SCFD2: variants seen among roughly 807,000 people sequenced by gnomAD.
The protein encoded by SCFD2 is sec1 family domain-containing protein 2.
A neutral mutation model predicts 58.9 loss-of-function variants in SCFD2; 54 were observed. That is an observed-to-expected ratio of 0.92 (90% CI 0.74 to 1.15). SCFD2 has a LOEUF of 1.15. Ranked by LOEUF, SCFD2 falls within the 50% of genes most tolerant of loss-of-function variation. The pLI, the probability that SCFD2 is intolerant of heterozygous loss-of-function variation, is 0.00. For missense variants in SCFD2, 805 were observed against 836.6 expected, an observed-to-expected ratio of 0.96 and a Z score of 0.47; for synonymous variants, 321 against 335.9, an observed-to-expected ratio of 0.96 and a Z score of 0.49.
chr4:53,253,289 T>A (rs1730468344), intron 4 of SCFD2, among the ~76,000 whole-genome samples: 1 of 152,170 alleles, frequency 6.6e-6, no homozygotes, highest in African/African-American at 2.4e-5. Flanking sequence ...ACACTGTTGG[T>A]GGGATTGTAA....
chr4:52,898,274 T>C (rs1202724654), intron 7 of SCFD2, among the ~76,000 whole-genome samples: 1 of 152,254 alleles, frequency 6.6e-6, no homozygotes, highest in Non-Finnish European at 1.5e-5. Flanking sequence ...TTTCCTGCTA[T>C]CTCTTGTGGG....
At chr4:52,998,747 G>A (rs930464408) in intron 5 of SCFD2, among the ~76,000 whole-genome samples, 1 of 151,992 alleles carries the variant, frequency 6.6e-6, no homozygotes, top group African/African-American at 2.4e-5. Context: ...CTGCAAAAAT[G>A]AAAAACAAGA....
At chr4:53,256,813 C>T (rs1730653142) in intron 4 of SCFD2, among the ~76,000 whole-genome samples, 1 of 149,796 alleles carries the variant, frequency 6.7e-6, no homozygotes, top group Non-Finnish European at 1.5e-5. Flanking sequence ...GAGATGGCAG[C>T]AGTACAGTCC....
chr4:53,049,970 T>C (rs571782489), intron 5 of SCFD2, among the ~76,000 whole-genome samples: 80 of 152,138 alleles, frequency 5.3e-4, no homozygotes, highest in Non-Finnish European at 1.0e-3. Context: ...ATTCAGCAAA[T>C]GTTTATTTAC....
At chr4:53,201,330 C>A (rs1010223776) in intron 4 of SCFD2, among the ~76,000 whole-genome samples, 14 of 152,130 alleles carry the variant, frequency 9.2e-5, no homozygotes, top group Admixed American at 7.2e-4. Context: ...CAGCTTCATC[C>A]ATGTCCCTAC....
chr4:53,084,417 C>A (rs1021300120), intron 5 of SCFD2, among the ~76,000 whole-genome samples: 10 of 152,056 alleles, frequency 6.6e-5, no homozygotes, highest in African/African-American at 2.2e-4. Context: ...TTATTCTGTT[C>A]TTTTTCAGGG....
At chr4:53,116,635 C>T in intron 5 of SCFD2, among the ~76,000 whole-genome samples, 1 of 152,134 alleles carries the variant, frequency 6.6e-6, no homozygotes, top group East Asian at 1.9e-4. Flanking sequence ...AAGATGGAGT[C>T]CTGATAACAC....
chr4:53,362,960 G>A (rs1409516409), intron 1 of SCFD2, among the ~76,000 whole-genome samples: 1 of 152,088 alleles, frequency 6.6e-6, no homozygotes, highest in African/African-American at 2.4e-5. Flanking sequence ...ATTTGGTGAT[G>A]GGAAAATACA....
intron 5 of SCFD2, among the ~76,000 whole-genome samples, chr4:52,944,364 T>C (rs752464775): frequency 4.6e-5 from 7 of 152,214 alleles, no homozygotes; most frequent in Non-Finnish European, 8.8e-5. Context: ...AACAATCATG[T>C]CTTAGAAATG....
chr4:53,113,257 T>C (rs187774382), intron 5 of SCFD2, among the ~76,000 whole-genome samples: 4 of 152,208 alleles, frequency 2.6e-5, no homozygotes, highest in Non-Finnish European at 4.4e-5. Context: ...ACTGCACTTT[T>C]CCTAGCCCCT....
At chr4:53,258,577 T>TATATATATATATATATATATAC (rs757658747) in intron 4 of SCFD2, among the ~76,000 whole-genome samples, 35 of 121,242 alleles carry the variant, frequency 2.9e-4, no homozygotes, top group South Asian at 5.3e-4. Flanking sequence ...TATATATATA[T>TATATATATATATATATATATAC]ACACACACAT....
At chr4:53,042,454 G>A (rs763078858) in intron 5 of SCFD2, among the ~76,000 whole-genome samples, 21 of 151,994 alleles carry the variant, frequency 1.4e-4, no homozygotes, top group Middle Eastern at 3.2e-3. Context: ...ATTTAGCATG[G>A]TTCAACACAC....
chr4:53,353,959 C>T (rs1734319963), intron 1 of SCFD2, among the ~76,000 whole-genome samples: 2 of 152,258 alleles, frequency 1.3e-5, no homozygotes, highest in African/African-American at 2.4e-5. Context: ...ATTTACAATC[C>T]TCTAGCTAGA....
intron 7 of SCFD2, among the ~76,000 whole-genome samples, chr4:52,898,820 T>C (rs559973809): frequency 2.0e-5 from 3 of 152,328 alleles, no homozygotes; most frequent in Admixed American, 6.5e-5. Context: ...GGACTTGCTT[T>C]ATGAATCTGG....
chr4:53,054,740 A>T (rs1433658372), intron 5 of SCFD2, among the ~76,000 whole-genome samples: 3 of 151,708 alleles, frequency 2.0e-5, no homozygotes, highest in Non-Finnish European at 4.4e-5. Flanking sequence ...AGCAGCCTTG[A>T]CCTCCTGGGC....
chr4:53,177,806 A>C (rs1015837608), intron 4 of SCFD2, among the ~76,000 whole-genome samples: 1 of 152,194 alleles, frequency 6.6e-6, no homozygotes, highest in Non-Finnish European at 1.5e-5. Flanking sequence ...TCCCACCCTA[A>C]TACTGCACTT....
chr4:53,178,489 A>C (rs987333473), intron 4 of SCFD2, among the ~76,000 whole-genome samples: 1 of 152,012 alleles, frequency 6.6e-6, no homozygotes, highest in Non-Finnish European at 1.5e-5. Context: ...CACACCAAAA[A>C]CCCATCTGTA....
At chr4:53,041,298 G>A (rs1029764358) in intron 5 of SCFD2, among the ~76,000 whole-genome samples, 2 of 152,146 alleles carry the variant, frequency 1.3e-5, no homozygotes, top group Non-Finnish European at 2.9e-5. Context: ...TGATGGTGAT[G>A]GAACAGAGGT....
intron 2 of SCFD2, among the ~76,000 whole-genome samples, chr4:53,326,031 A>T (rs183839245): frequency 6.6e-6 from 1 of 152,358 alleles, no homozygotes; most frequent in African/African-American, 2.4e-5. Flanking sequence ...CTATAATTAC[A>T]ACTTGCCACA....
Sources: gnomAD v4.1 joint callset for allele counts (sites outside exome capture counted in the v4.1 genomes callset) on GRCh38, gnomAD v4.1.1 for gene constraint, MANE v1.5 for transcripts, NCBI Gene and HGNC (gene_info 2026-07-23, HGNC 2026-07-21) for gene names.